ANKRD16: variants seen among roughly 807,000 people sequenced by gnomAD.
ANKRD16 encodes ankyrin repeat domain 16.
In ANKRD16, 35 loss-of-function variants were observed where a neutral mutation model predicts 37.9. The ratio of observed to expected loss-of-function variants is 0.92; its 90% confidence interval spans 0.71 to 1.23. The LOEUF is 1.23. ANKRD16 is among the 50% of genes most tolerant of loss of function. The pLI, the probability that ANKRD16 is intolerant of heterozygous loss-of-function variation, is 0.00. For synonymous variants in ANKRD16, 206 were observed against 197.2 expected (o/e 1.04, Z -0.37); for missense variants, 480 against 469.9 (o/e 1.02, Z -0.20).
intron 7 of ANKRD16, among the ~76,000 whole-genome samples, chr10:5,872,776 TTA>T (rs1365048065): frequency 0.016 from 2,493 of 151,976 alleles, 71 homozygotes; most frequent in African/African-American, 0.055. Flanking sequence ...CAAGATGGTC[TTA>T]ATTTCCTGAC....
At chr10:5,873,298 G>C (rs1481434906) in intron 7 of ANKRD16, among the ~76,000 whole-genome samples, 1 of 152,082 alleles carries the variant, frequency 6.6e-6, no homozygotes, top group Non-Finnish European at 1.5e-5. Flanking sequence ...CCAAAGTGCT[G>C]GGATAACAGG....
rs1414347190 is a variant in ANKRD16, at chr10:5,871,125, G to A, written c.*33+6972C>T. Reference sequence around the variant, plus strand: ...CACGCAGCCAGGCTTGGTGGTTCACGCCTGTAATCCCAGCACTTTGGGAGG... The same window carrying A: ...CACGCAGCCAGGCTTGGTGGTTCACACCTGTAATCCCAGCACTTTGGGAGG... On this transcript the variant is annotated intron_variant, in intron 7 of 7. Coordinates refer to ENST00000380094, the MANE Select transcript of ANKRD16 (RefSeq NM_019046.3). This position sits in a 1 kb window ranked among gnomAD's most constrained non-coding sequence, Gnocchi z 4.5. Among the ~76,000 whole-genome samples, 1 of 152,258 alleles carries A rather than the reference G, an allele frequency of 6.6e-6. No individual in the cohort carries two copies. The highest frequency in any genetic ancestry group is 2.1e-4 in the South Asian group (1 of 4,826).
At position 5,863,543 on chromosome 10, in the gene ANKRD16, C is replaced by T. The variant is rs1249295491; in HGVS notation, c.*34-852G>A. ...TCAGCACTCTGTAAAATGGACCAAT[C>T]AGCAGGACGTGGGCGGGGACAAATA... On this transcript the variant is annotated intron_variant, in intron 7 of 7. Transcript: ENST00000380094. The surrounding 1 kb of genome is among the most constrained non-coding windows in gnomAD (Gnocchi z 4.7). 6.6e-6 allele frequency among the ~76,000 whole-genome samples: 1 copy of T among 152,126 alleles called. No individual in the cohort carries two copies. Among genetic ancestry groups the T allele is most frequent in the Non-Finnish European group, 1.5e-5 (1 of 68,032 alleles).
rs1012675025 is a variant in ANKRD16 at position 5,863,511 on chromosome 10, G to A, written c.*34-820C>T. Among the ~76,000 whole-genome samples, 1 of 152,012 alleles carries A rather than the reference G, an allele frequency of 6.6e-6. No homozygotes were observed. The highest frequency in any genetic ancestry group is 1.9e-4 in the East Asian group (1 of 5,182). ...CATACCAATCAGCACGCTGTAAAGTGGACCAATCAGCACTCTGTAAAATGG... is the reference window on the plus strand; with the variant it reads ...CATACCAATCAGCACGCTGTAAAGTAGACCAATCAGCACTCTGTAAAATGG... On this transcript the variant is annotated intron_variant, in intron 7 of 7. Coordinates refer to ENST00000380094, the MANE Select transcript of ANKRD16 (RefSeq NM_019046.3). The surrounding 1 kb of genome is among the most constrained non-coding windows in gnomAD (Gnocchi z 4.7).
chr10:5,879,022 A>G (rs1022631405), intron 6 of ANKRD16, among the ~76,000 whole-genome samples: 1 of 152,206 alleles, frequency 6.6e-6, no homozygotes, highest in African/African-American at 2.4e-5. Context: ...GGGTGCAGAA[A>G]TCAGCACTGA....
Position 5,866,965 on chromosome 10 carries a change from GGAGA to G in ANKRD16, c.*34-4278_*34-4275del, listed in dbSNP as rs932971006. Among the ~76,000 whole-genome samples the G allele has an allele frequency of 2.6e-5, 4 of 151,890 alleles. No homozygotes were observed. The highest frequency in any genetic ancestry group is 4.8e-5 in the African/African-American group (2 of 41,322). On this transcript the variant is annotated intron_variant, in intron 7 of 7. Coordinates refer to ENST00000380094, the MANE Select transcript of ANKRD16 (RefSeq NM_019046.3). The surrounding 1 kb of genome is among the most constrained non-coding windows in gnomAD (Gnocchi z 4.3). ...GGGAGAGACAAAGAGGGAGTCAGAA[GGAGA>G]GAGAAAGACAAAGAAGAAGTCAAAG...
At chr10:5,879,508 C>T (rs913937992) in intron 6 of ANKRD16, among the ~76,000 whole-genome samples, 4 of 151,868 alleles carry the variant, frequency 2.6e-5, no homozygotes, top group African/African-American at 9.7e-5. Flanking sequence ...TGCAAGATGG[C>T]CTTTGGCTCA....
chr10:5,877,901 A>T (rs1842210268), intron 7 of ANKRD16, among the ~76,000 whole-genome samples, 196 bp downstream of exon 7: 1 of 152,194 alleles, frequency 6.6e-6, no homozygotes, highest in African/African-American at 2.4e-5. Flanking sequence ...GACTACGGGA[A>T]GATTATGACT....
intron 7 of ANKRD16, among the ~76,000 whole-genome samples, chr10:5,875,538 C>T (rs1478449813): frequency 2.0e-5 from 3 of 152,014 alleles, no homozygotes; most frequent in Non-Finnish European, 4.4e-5. Context: ...GGGCAGGCCT[C>T]GCTGAGAAGG....
rs1163290559 is a variant in ANKRD16, at chr10:5,866,697, G to A, written c.*34-4006C>T. 1.3e-5 allele frequency among the ~76,000 whole-genome samples: 2 copies of A among 152,222 alleles called. No individual in the cohort carries two copies. Among genetic ancestry groups the A allele is most frequent in the Admixed American group, 1.3e-4 (2 of 15,280 alleles). On this transcript the variant is annotated intron_variant, in intron 7 of 7. Transcript: ENST00000380094. This position sits in a 1 kb window ranked among gnomAD's most constrained non-coding sequence, Gnocchi z 4.3. ...CTTACACCGCCGAAGCCATCAAAAA[G>A]GGGAAGGAGAGGGGAGAACAGCAGC...
Position 5,889,465 on chromosome 10 carries a change from C to T in ANKRD16, c.-111G>A. ...TTTCCGCCTCTTCACGCAACCTGCC[C>T]CGCGCGCCCCGAACCCGGCAGAACC... On this transcript the variant is annotated 5_prime_UTR_variant, in exon 1 of 8. Transcript: ENST00000380094. 2 of 794,474 alleles carry T rather than the reference C, an allele frequency of 2.5e-6. No individual in the cohort carries two copies. The highest frequency in any genetic ancestry group is 3.2e-6 in the Non-Finnish European group (2 of 620,118). 49.2% of individuals were successfully genotyped at this position (794,474 alleles called of 1,614,324 possible).
rs1842231852 is a variant in ANKRD16, at chr10:5,878,894, C to T, written c.929-607G>A. On this transcript the variant is annotated intron_variant, in intron 6 of 7. Coordinates refer to ENST00000380094, the MANE Select transcript of ANKRD16 (RefSeq NM_019046.3). The surrounding 1 kb of genome is among the most constrained non-coding windows in gnomAD (Gnocchi z 5.1). ...CATACGCCTGAATGCTCTGGAAACA[C>T]ACTTTAAATGGTACAAAAAACTTTC... Among the ~76,000 whole-genome samples the T allele has an allele frequency of 6.6e-6, 1 of 152,122 alleles. No individual in the cohort carries two copies. Among genetic ancestry groups the T allele is most frequent in the African/African-American group, 2.4e-5 (1 of 41,416 alleles).
In ANKRD16 at chr10:5,886,878, C is replaced by T. The variant is rs190428947; in HGVS notation, c.535+969G>A. Among the ~76,000 whole-genome samples, 14 of 152,298 alleles carry T rather than the reference C, an allele frequency of 9.2e-5. No homozygotes were observed. In the East Asian group the frequency reaches 2.5e-3, roughly 27 times the overall value. On this transcript the variant is annotated intron_variant, in intron 2 of 7. Coordinates refer to ENST00000380094, the MANE Select transcript of ANKRD16 (RefSeq NM_019046.3). ...GATAATTCAGAGTTAAGAGTCACTA[C>T]TCCAAATAATAAAAACTGTAACCCA... is the stretch of plus-strand genomic sequence containing the variant.
At position 5,871,987 on chromosome 10, in the gene ANKRD16, C is replaced by T. The variant is rs539434660; in HGVS notation, c.*33+6110G>A. On this transcript the variant is annotated intron_variant, in intron 7 of 7. Coordinates refer to ENST00000380094, the MANE Select transcript of ANKRD16 (RefSeq NM_019046.3). The surrounding 1 kb of genome is among the most constrained non-coding windows in gnomAD (Gnocchi z 4.5). ...ACCTCCAGTGATCAAATCCAACAGC[C>T]GTTTCTGTCCCCAACCTGCCGCCCT... 7.9e-5 allele frequency among the ~76,000 whole-genome samples: 12 copies of T among 152,224 alleles called. No homozygotes were observed. The highest frequency in any genetic ancestry group is 2.6e-4 in the African/African-American group (11 of 41,522).
Position 5,874,123 on chromosome 10 carries a change from T to C in ANKRD16, c.*33+3974A>G, listed in dbSNP as rs905590849. ...CCAGGATGGTCTCGATCTCCTGACC[T>C]TGTGATCTGCCTGCCTCAGCCTCCC... is the stretch of plus-strand genomic sequence containing the variant. On this transcript the variant is annotated intron_variant, in intron 7 of 7. Coordinates refer to ENST00000380094, the MANE Select transcript of ANKRD16 (RefSeq NM_019046.3). The surrounding 1 kb of genome is among the most constrained non-coding windows in gnomAD (Gnocchi z 4.7). Among the ~76,000 whole-genome samples, 1 of 152,102 alleles carries C rather than the reference T, an allele frequency of 6.6e-6. No individual in the cohort carries two copies.
intron 2 of ANKRD16, among the ~76,000 whole-genome samples, chr10:5,886,706 T>A (rs1564419990): frequency 6.6e-6 from 1 of 152,252 alleles, no homozygotes; most frequent in Non-Finnish European, 1.5e-5. Flanking sequence ...ACAAGTTATA[T>A]TCTGAATTTC....
At position 5,871,340 on chromosome 10, in the gene ANKRD16, T is replaced by C. The variant is rs144261123; in HGVS notation, c.*33+6757A>G. Reference sequence around the variant, plus strand: ...AGGCAGAGGTTGCTGTGAGCCGAGATTGAGCCATTGCACTCTAGCCTGGGC... The same window carrying C: ...AGGCAGAGGTTGCTGTGAGCCGAGACTGAGCCATTGCACTCTAGCCTGGGC... On this transcript the variant is annotated intron_variant, in intron 7 of 7. Transcript: ENST00000380094. The surrounding 1 kb of genome is among the most constrained non-coding windows in gnomAD (Gnocchi z 4.5). 0.026 allele frequency among the ~76,000 whole-genome samples: 3,992 copies of C among 152,058 alleles called. 165 individuals are homozygous for C. The highest frequency in any genetic ancestry group is 0.09 in the African/African-American group (3,741 of 41,420).
intron 2 of ANKRD16, among the ~76,000 whole-genome samples, chr10:5,887,197 G>A (rs1373742748): frequency 6.6e-6 from 1 of 152,178 alleles, no homozygotes; most frequent in Non-Finnish European, 1.5e-5. Flanking sequence ...ACTTGCTCAA[G>A]AGAGAGACTA....
chr10:5,880,468 T>G (rs138975719), intron 5 of ANKRD16, 92 bp from the exon 6 acceptor site: 1 of 686,758 alleles, frequency 1.5e-6, no homozygotes, highest in African/African-American at 1.9e-5. Flanking sequence ...TCAATCAATT[T>G]AGAAGTTTAT....
Sources: gnomAD v4.1 joint callset for allele counts (sites outside exome capture counted in the v4.1 genomes callset) on GRCh38, gnomAD v4.1.1 for gene constraint, Gnocchi (gnomAD v3.1) non-coding constraint, MANE v1.5 for transcripts, NCBI Gene and HGNC (gene_info 2026-07-23, HGNC 2026-07-21) for gene names.